RC3H2: variants seen among roughly 807,000 people sequenced by gnomAD.
RC3H2 encodes the protein ring finger and CCCH-type domains 2, also known as roquin-2.
RC3H2 carries 31 observed loss-of-function variants against 133.3 expected under a neutral mutation model. The observed-to-expected ratio is 0.23, with a 90% CI of 0.17 to 0.31. RC3H2 has a LOEUF of 0.31. Ranked by LOEUF, RC3H2 falls within the 10% of genes least tolerant of loss-of-function variation. The probability of loss-of-function intolerance (pLI) is 1.00; values close to 1 mark genes in which losing one functional copy is unlikely to be tolerated. For synonymous variants in RC3H2, 517 were observed against 502.2 expected (o/e 1.03, Z -0.40); for missense variants, 1,175 against 1,437.2 (o/e 0.82, Z 2.95).
At chr9:122,854,116 A>G (rs1348542169) in intron 17 of RC3H2, 30 bp from the exon 18 acceptor site, 1 of 1,612,118 alleles carries the variant, frequency 6.2e-7, no homozygotes, top group Non-Finnish European at 8.5e-7. Flanking sequence ...AAGAAAAGTT[A>G]GCTTCCAACT....
At chr9:122,897,246 GC>G in intron 2 of RC3H2, 32 bp downstream of exon 2, 1 of 1,602,968 alleles carries the variant, frequency 6.2e-7, no homozygotes, top group Non-Finnish European at 8.5e-7. Flanking sequence ...GATTATTTTT[GC>G]ACCAACCTAT....
intron 15 of RC3H2, 59 bp from the exon 16 acceptor site, chr9:122,854,674 G>A (rs561080286): frequency 1.9e-6 from 2 of 1,059,506 alleles, no homozygotes; most frequent in South Asian, 1.3e-5. Flanking sequence ...GTACTGAGGT[G>A]AATGTATACT....
intron 1 of RC3H2, among the ~76,000 whole-genome samples, chr9:122,901,486 G>C (rs560745244): frequency 6.6e-6 from 1 of 151,742 alleles, no homozygotes; most frequent in Non-Finnish European, 1.5e-5. Flanking sequence ...TGATTTTGCC[G>C]TTAACGTGTG....
At chr9:122,882,827 A>G (rs993265531) in intron 5 of RC3H2, among the ~76,000 whole-genome samples, 1 of 152,248 alleles carries the variant, frequency 6.6e-6, no homozygotes, top group Non-Finnish European at 1.5e-5. Context: ...GAATGAGATA[A>G]CAAACATAAT....
At chr9:122,884,170 G>A (rs924118296) in intron 4 of RC3H2, among the ~76,000 whole-genome samples, 4 of 152,058 alleles carry the variant, frequency 2.6e-5, no homozygotes, top group Non-Finnish European at 4.4e-5. Flanking sequence ...GCAGGCACCT[G>A]TAGTCCCAGT....
At chr9:122,863,314 CA>C (rs1006588738) in intron 10 of RC3H2, among the ~76,000 whole-genome samples, 4 of 152,070 alleles carry the variant, frequency 2.6e-5, no homozygotes, top group African/African-American at 9.7e-5. Context: ...ATTTTCTTGC[CA>C]AAAATCTTCA....
chr9:122,850,974 A>G, intron 20 of RC3H2, 107 bp downstream of exon 20: 1 of 1,178,830 alleles, frequency 8.5e-7, no homozygotes, highest in South Asian at 1.4e-5. Context: ...ATCATTGCCC[A>G]TATAAGGTCT....
rs769483721 is a variant in RC3H2, at chr9:122,858,831, T to C, written c.2121A>G (p.Gln707=). Residue 707 remains glutamine (Q), a synonymous_variant, in exon 12 of 21, where the codon CAA becomes CAG. Transcript: ENST00000357244. ...AATTGCTTCTAATAATGTCATCTCG[T>C]TGGTACATAGGTGGGCGCCAGATGC... is the stretch of plus-strand genomic sequence containing the variant. ...SRRIWRPPMY[Q]RDDIIRSNSL... is the part of the protein sequence containing the mutation. The C allele has an allele frequency of 1.9e-6, 3 of 1,614,178 alleles. No homozygotes were observed. The highest frequency in any genetic ancestry group is 2.5e-6 in the Non-Finnish European group (3 of 1,180,060).
Position 122,849,369 on chromosome 9 carries a change from C to T in RC3H2, c.*258G>A, listed in dbSNP as rs1478463135. 1.3e-5 allele frequency: 2 copies of T among 153,508 alleles called. No individual in the cohort carries two copies. Among genetic ancestry groups the T allele is most frequent in the African/African-American group, 4.8e-5 (2 of 41,356 alleles). The allele number at this position is 153,508 out of a possible 1,614,324, so 9.5% of individuals were successfully genotyped here. On this transcript the variant is annotated 3_prime_UTR_variant, in exon 21 of 21. Coordinates refer to ENST00000357244, the MANE Select transcript of RC3H2 (RefSeq NM_001100588.3). Reference sequence around the variant, plus strand: ...CAAACTCATAAAAAGCTGCTTGAAGCTTAAGTTAAATGTTGTCCAAATTCC... The same window carrying T: ...CAAACTCATAAAAAGCTGCTTGAAGTTTAAGTTAAATGTTGTCCAAATTCC...
intron 4 of RC3H2, among the ~76,000 whole-genome samples, chr9:122,888,441 C>T (rs1456543639): frequency 6.6e-6 from 1 of 152,204 alleles, no homozygotes. Context: ...CTGTCCCTGT[C>T]TGCTTTCCCT....
chr9:122,890,659 T>C (rs1832123742), intron 3 of RC3H2, 114 bp from the exon 4 acceptor site: 3 of 724,214 alleles, frequency 4.1e-6, no homozygotes, highest in East Asian at 5.4e-5. Flanking sequence ...TCCCTTGTAA[T>C]GTGCTTTCAT....
chr9:122,858,228 T>C, intron 12 of RC3H2, 135 bp from the exon 13 acceptor site: 1 of 732,288 alleles, frequency 1.4e-6, no homozygotes, highest in Non-Finnish European at 2.2e-6. Flanking sequence ...CCTAGTCTAT[T>C]CTCCATACAC....
chr9:122,852,587 G>T (rs1237052482), intron 18 of RC3H2, among the ~76,000 whole-genome samples: 3 of 146,824 alleles, frequency 2.0e-5, no homozygotes, highest in Admixed American at 1.4e-4. Context: ...GAGGTGTGGG[G>T]GTCAGCCCCC....
At chr9:122,877,234 T>G (rs1831380457) in intron 9 of RC3H2, among the ~76,000 whole-genome samples, 2 of 152,152 alleles carry the variant, frequency 1.3e-5, no homozygotes, top group Non-Finnish European at 2.9e-5. Context: ...ACAGCTAATT[T>G]TTAAATTTTT....
chr9:122,888,693 T>C (rs1832035120), intron 4 of RC3H2, among the ~76,000 whole-genome samples: 1 of 152,208 alleles, frequency 6.6e-6, no homozygotes, highest in Non-Finnish European at 1.5e-5. Context: ...AGTACTACAC[T>C]GGAAGGATAT....
chr9:122,875,869 G>A (rs371479233), intron 9 of RC3H2, among the ~76,000 whole-genome samples: 1 of 152,178 alleles, frequency 6.6e-6, no homozygotes, highest in Admixed American at 6.5e-5. Context: ...GGGTCTTAGA[G>A]GCCACAACAT....
chr9:122,884,736 A>G (rs1232582335), intron 4 of RC3H2, among the ~76,000 whole-genome samples: 1 of 151,516 alleles, frequency 6.6e-6, no homozygotes, highest in African/African-American at 2.4e-5. Context: ...ATCTGTAGTC[A>G]CAGCTACTCA....
Position 122,897,574 on chromosome 9 carries a change from A to G in RC3H2, c.-65T>C, listed in dbSNP as rs1832477780. ...ATTATTTTGCTGTGTAGTGTTTTGT[A>G]AGCTAGAAATGGACAAAAGTATGAA... On this transcript the variant is annotated splice_region_variant and 5_prime_UTR_variant, in exon 2 of 21. Transcript: ENST00000357244. 1 of 1,536,388 alleles carries G rather than the reference A, an allele frequency of 6.5e-7. No individual in the cohort carries two copies. The highest frequency in any genetic ancestry group is 1.4e-5 in the African/African-American group (1 of 73,146).
At chr9:122,853,566 A>C in intron 18 of RC3H2, among the ~76,000 whole-genome samples, 1 of 152,126 alleles carries the variant, frequency 6.6e-6, no homozygotes, top group East Asian at 1.9e-4. Flanking sequence ...AGCTTAGCCA[A>C]CATGGTGAAA....
Sources: allele counts gnomAD v4.1 joint callset (sites outside exome capture counted in the v4.1 genomes callset), GRCh38; gene constraint gnomAD v4.1.1; transcripts MANE v1.5; gene names NCBI Gene and HGNC (gene_info 2026-07-23, HGNC 2026-07-21).